Variants in ANKRD30A observed in about 807,000 individuals in gnomAD.
ANKRD30A encodes ankyrin repeat domain-containing protein 30A.
In ANKRD30A, 170 loss-of-function variants were observed where a neutral mutation model predicts 166.3. That is an observed-to-expected ratio of 1.02 (90% confidence interval 0.90 to 1.16). The LOEUF is 1.16. Among genes scored for constraint, ANKRD30A ranks in the 50% most tolerant of loss-of-function variants. ANKRD30A has a pLI of 0.00. For synonymous variants in ANKRD30A, 564 were observed against 508.9 expected (o/e 1.11, Z -1.46); for missense variants, 1,630 against 1,518.0 (o/e 1.07, Z -1.23).
chr10:37,143,630 T>C (rs1383079965), intron 7 of ANKRD30A, among the ~76,000 whole-genome samples: 4 of 152,072 alleles, frequency 2.6e-5, no homozygotes, highest in Non-Finnish European at 5.9e-5. Context: ...CTCTAGCCTG[T>C]GTGACAGAGC....
intron 24 of ANKRD30A, among the ~76,000 whole-genome samples, chr10:37,183,234 C>G (rs1295069470): frequency 6.7e-6 from 1 of 148,300 alleles, no homozygotes; most frequent in Non-Finnish European, 1.5e-5. Flanking sequence ...TACTCATTAA[C>G]CATGAAAATT....
In ANKRD30A at chr10:37,144,912, G is replaced by T. The variant is rs532590546; in HGVS notation, c.1394-83G>T. The T allele has an allele frequency of 3.8e-5, 40 of 1,050,424 alleles. No homozygotes were observed. In the African/African-American group the frequency reaches 5.7e-4, roughly 15 times the overall value. 65.1% of individuals were successfully genotyped at this position (1,050,424 alleles called of 1,614,324 possible). ...TATAGAAGTAAGTCCACAGATTCAT[G>T]AATGAAAATAGATTTGTATATGTTT... On this transcript the variant is annotated intron_variant, in intron 7 of 35. Coordinates refer to ENST00000361713, the MANE Select transcript of ANKRD30A (RefSeq NM_052997.3).
intron 4 of ANKRD30A, among the ~76,000 whole-genome samples, chr10:37,133,133 C>A (rs1414535280): frequency 1.3e-5 from 2 of 152,102 alleles, no homozygotes; most frequent in Non-Finnish European, 2.9e-5. Flanking sequence ...ATTGCTATCA[C>A]CAGATACTGT....
At chr10:37,127,307 T>G (rs1331365251) in intron 1 of ANKRD30A, among the ~76,000 whole-genome samples, 15 of 152,036 alleles carry the variant, frequency 9.9e-5, no homozygotes, top group African/African-American at 3.6e-4. Flanking sequence ...GATTAAAAGT[T>G]TTTAATGTAC....
At chr10:37,218,905 A>G in intron 33 of ANKRD30A, 75 bp from the exon 34 acceptor site, 2 of 960,378 alleles carry the variant, frequency 2.1e-6, no homozygotes, top group Non-Finnish European at 3.1e-6. Context: ...TGTACAAGTT[A>G]TTCTTTAGTT....
intron 8 of ANKRD30A, among the ~76,000 whole-genome samples, chr10:37,146,475 C>T (rs1837523195): frequency 6.6e-6 from 1 of 151,754 alleles, no homozygotes; most frequent in Non-Finnish European, 1.5e-5. Context: ...GGAGGGGGCA[C>T]CAGCTGCAGG....
intron 34 of ANKRD30A, among the ~76,000 whole-genome samples, chr10:37,226,190 T>C (rs1843141896): frequency 6.6e-6 from 1 of 151,354 alleles, no homozygotes; most frequent in Admixed American, 6.6e-5. Context: ...ATGTGCCATG[T>C]TGGTGTGCTG....
chr10:37,149,305 T>C (rs1371799266), intron 9 of ANKRD30A, among the ~76,000 whole-genome samples: 1 of 152,042 alleles, frequency 6.6e-6, no homozygotes, highest in Non-Finnish European at 1.5e-5. Flanking sequence ...AAGAACATGA[T>C]GAATAGAATA....
At chr10:37,250,742 A>G in the ANKRD30A span, among the ~76,000 whole-genome samples, 1 of 152,286 alleles carries the variant, frequency 6.6e-6, no homozygotes, top group East Asian at 1.9e-4. Context: ...TCTATGAGGA[A>G]CGGGCCCTTG....
the ANKRD30A span, chr10:37,248,260 G>C: frequency 1.7e-6 from 1 of 579,566 alleles, no homozygotes; most frequent in African/African-American, 1.9e-5. Flanking sequence ...GTTGATCTCA[G>C]AATTGTCACC....
At chr10:37,224,505 A>G (rs1843046446) in intron 34 of ANKRD30A, among the ~76,000 whole-genome samples, 1 of 150,784 alleles carries the variant, frequency 6.6e-6, no homozygotes, top group Non-Finnish European at 1.5e-5. Flanking sequence ...ATATGTATAT[A>G]CATATATATG....
At chr10:37,132,602 C>G (rs1174541306) in intron 4 of ANKRD30A, among the ~76,000 whole-genome samples, 1 of 152,122 alleles carries the variant, frequency 6.6e-6, no homozygotes, top group African/African-American at 2.4e-5. Context: ...TAAAGTGGTT[C>G]TGTATTAGTT....
Position 37,216,402 on chromosome 10 carries a change from T to G in ANKRD30A, c.3083+8T>G. The G allele has an allele frequency of 2.5e-6, 4 of 1,575,056 alleles. No homozygotes were observed. The highest frequency in any genetic ancestry group is 3.4e-6 in the Non-Finnish European group (4 of 1,164,098). On this transcript the variant is annotated splice_region_variant and intron_variant, in intron 32 of 35. Coordinates refer to ENST00000361713, the MANE Select transcript of ANKRD30A (RefSeq NM_052997.3). Reference sequence around the variant, plus strand: ...AGAGCTCTGCAGTGTGAGGTGTGATTTCCTAGTTTTAAATAAATATTTCAG... The same window carrying G: ...AGAGCTCTGCAGTGTGAGGTGTGATGTCCTAGTTTTAAATAAATATTTCAG...
At position 37,197,263 on chromosome 10, in the gene ANKRD30A, A is replaced by C; in HGVS notation, c.2615-18A>C. ...CATATTTACTTATGATTGATGATAA[A>C]TCTCTTTTGCTTTTTAGAGCCTCCC... is the stretch of plus-strand genomic sequence containing the variant. On this transcript the variant is annotated intron_variant, in intron 27 of 35. Coordinates refer to ENST00000361713, the MANE Select transcript of ANKRD30A (RefSeq NM_052997.3). 3 of 1,610,418 alleles carry C rather than the reference A, an allele frequency of 1.9e-6. No individual in the cohort carries two copies. The highest frequency in any genetic ancestry group is 2.5e-6 in the Non-Finnish European group (3 of 1,177,578).
intron 27 of ANKRD30A, among the ~76,000 whole-genome samples, chr10:37,195,320 G>A (rs1465578972): frequency 6.6e-6 from 1 of 152,100 alleles, no homozygotes; most frequent in South Asian, 2.1e-4. Context: ...GTTGGTTACA[G>A]ATTCATTCTG....
At chr10:37,254,008 G>T in the ANKRD30A span, among the ~76,000 whole-genome samples, 1 of 152,110 alleles carries the variant, frequency 6.6e-6, no homozygotes, top group African/African-American at 2.4e-5. Flanking sequence ...CTTCATTAAT[G>T]TTTATGACCT....
intron 8 of ANKRD30A, among the ~76,000 whole-genome samples, chr10:37,147,060 G>A (rs1200690547): frequency 1.3e-5 from 2 of 152,254 alleles, no homozygotes; most frequent in Admixed American, 1.3e-4. Flanking sequence ...TTTTGGTGAG[G>A]AAGATAAAGT....
At chr10:37,161,061 G>T (rs1395141265) in intron 15 of ANKRD30A, among the ~76,000 whole-genome samples, 1 of 152,188 alleles carries the variant, frequency 6.6e-6, no homozygotes, top group Non-Finnish European at 1.5e-5. Context: ...AGACCATCCT[G>T]ACTAACAAGG....
Position 37,142,290 on chromosome 10 carries a change from G to T in ANKRD30A, c.1393G>T (p.Asp465Tyr), listed in dbSNP as rs756777578. 2 of 1,587,400 alleles carry T rather than the reference G, an allele frequency of 1.3e-6. No individual in the cohort carries two copies. ...KESSTKASAN[D>Y]QRFPSESKQE... ...ATCATCTACAAAAGCAAGTGCCAATGGTAAGATGCTAGAGCGAACTTTGTA... is the reference window on the plus strand; with the variant it reads ...ATCATCTACAAAAGCAAGTGCCAATTGTAAGATGCTAGAGCGAACTTTGTA... Residue 465 changes from aspartate (D) to tyrosine (Y), a missense_variant and splice_region_variant, in exon 7 of 36, where the codon GAT becomes TAT. Coordinates refer to ENST00000361713, the MANE Select transcript of ANKRD30A (RefSeq NM_052997.3).
Sources: gnomAD v4.1 joint callset for allele counts (sites outside exome capture counted in the v4.1 genomes callset) on GRCh38, gnomAD v4.1.1 for gene constraint, MANE v1.5 for transcripts, NCBI Gene and HGNC (gene_info 2026-07-23, HGNC 2026-07-21) for gene names.